SMOC1: variants seen among roughly 807,000 people sequenced by gnomAD.
The protein encoded by SMOC1 is SPARC related modular calcium binding 1, also known as SPARC-related modular calcium-binding protein 1.
SMOC1 carries 22 observed loss-of-function variants against 56.3 expected under a neutral mutation model. The observed-to-expected ratio is 0.39, with a 90% confidence interval of 0.28 to 0.56. The LOEUF is 0.56. Among genes scored for constraint, SMOC1 ranks in the 20% least tolerant of loss-of-function variants. The probability of loss-of-function intolerance (pLI) is 0.61; values close to 1 mark genes in which losing one functional copy is unlikely to be tolerated. For missense variants in SMOC1, 509 were observed against 565.4 expected (o/e 0.90, Z 1.01); for synonymous variants, 193 against 215.0 (o/e 0.90, Z 0.89).
chr14:69,895,244 A>C (rs1014245156), intron 1 of SMOC1, among the ~76,000 whole-genome samples: 2 of 152,236 alleles, frequency 1.3e-5, no homozygotes, highest in Admixed American at 1.3e-4. Flanking sequence ...ATTTCATAGC[A>C]TTCTCATTTC....
chr14:69,919,497 G>T (rs1320185385), intron 1 of SMOC1, among the ~76,000 whole-genome samples: 1 of 152,194 alleles, frequency 6.6e-6, no homozygotes, highest in East Asian at 1.9e-4. Context: ...CCAAGACCTA[G>T]AATGTAGCAG....
intron 5 of SMOC1, among the ~76,000 whole-genome samples, chr14:69,984,992 G>A (rs1052867322): frequency 2.6e-5 from 4 of 151,276 alleles, no homozygotes; most frequent in Admixed American, 6.6e-5. Context: ...CAGCAAGCGA[G>A]ATCATCACTC....
intron 1 of SMOC1, among the ~76,000 whole-genome samples, chr14:69,918,220 C>CTATA (rs551699241): frequency 8.1e-5 from 12 of 147,276 alleles, no homozygotes; most frequent in Admixed American, 6.8e-4. Flanking sequence ...AGAACTTACC[C>CTATA]TATATATATA....
Position 69,923,229 on chromosome 14 carries a change from G to A in SMOC1, c.100-28909G>A, listed in dbSNP as rs951882081. Among the ~76,000 whole-genome samples the A allele has an allele frequency of 5.3e-5, 8 of 152,126 alleles. No individual in the cohort carries two copies. The South Asian group carries it at 1.5e-3, about 28-fold the overall frequency. On this transcript the variant is annotated intron_variant, in intron 1 of 11. Transcript: ENST00000361956. ...CAAAGTGCTGGGATTACAGGCATGA[G>A]CCACTGCACCCGGCTCAGCCCTCTT...
intron 1 of SMOC1, among the ~76,000 whole-genome samples, chr14:69,899,969 T>C (rs527463268): frequency 6.6e-6 from 1 of 152,316 alleles, no homozygotes; most frequent in African/African-American, 2.4e-5. Flanking sequence ...GAATTGTTGA[T>C]TTTCAGTTTG....
At position 69,965,773 on chromosome 14, in the gene SMOC1, A is replaced by G. The variant is rs74859828; in HGVS notation, c.379-9942A>G. On this transcript the variant is annotated intron_variant, in intron 3 of 11. Transcript: ENST00000361956. Reference sequence around the variant, plus strand: ...TTTATGAAACAAGAGCTAATGTCCAATCAGGTGGCTAGGCACACAGTAGGC... The same window carrying G: ...TTTATGAAACAAGAGCTAATGTCCAGTCAGGTGGCTAGGCACACAGTAGGC... Among the ~76,000 whole-genome samples, 271 of 152,318 alleles carry G rather than the reference A, an allele frequency of 1.8e-3. 2 individuals carry two copies. The highest frequency in any genetic ancestry group is 4.2e-3 in the Admixed American group (64 of 15,298).
intron 7 of SMOC1, among the ~76,000 whole-genome samples, chr14:70,001,045 G>C (rs749263338): frequency 1.4e-4 from 22 of 152,292 alleles, no homozygotes; most frequent in Non-Finnish European, 2.6e-4. Flanking sequence ...GGGAGAACCT[G>C]AGAGCACCGA....
intron 4 of SMOC1, among the ~76,000 whole-genome samples, chr14:69,977,698 TTCA>T (rs1183841557): frequency 1.3e-5 from 2 of 152,214 alleles, no homozygotes; most frequent in Non-Finnish European, 2.9e-5. Flanking sequence ...GAAATCATAG[TTCA>T]TCTTAACAGT....
chr14:69,883,740 C>T (rs908851305), intron 1 of SMOC1, among the ~76,000 whole-genome samples: 2 of 152,066 alleles, frequency 1.3e-5, no homozygotes, highest in African/African-American at 4.8e-5. Flanking sequence ...TTTATGTTCC[C>T]ACCAACAGTA....
intron 1 of SMOC1, among the ~76,000 whole-genome samples, chr14:69,943,408 C>T (rs183140957): frequency 1.4e-4 from 21 of 152,262 alleles, no homozygotes; most frequent in East Asian, 1.4e-3. Flanking sequence ...AGGGTGAGAG[C>T]GAGCTGGCAG....
chr14:69,995,040 A>G (rs1282937457), intron 7 of SMOC1, among the ~76,000 whole-genome samples: 1 of 152,246 alleles, frequency 6.6e-6, no homozygotes, highest in Non-Finnish European at 1.5e-5. Flanking sequence ...TTTACTATCA[A>G]TAAAGACTGA....
intron 1 of SMOC1, among the ~76,000 whole-genome samples, chr14:69,926,969 C>T (rs1205124843): frequency 1.3e-5 from 2 of 152,216 alleles, no homozygotes; most frequent in African/African-American, 2.4e-5. Context: ...CAGTGGCTCA[C>T]ATTAACTGAG....
chr14:69,905,441 G>A (rs763622957), intron 1 of SMOC1, among the ~76,000 whole-genome samples: 4 of 152,162 alleles, frequency 2.6e-5, no homozygotes, highest in African/African-American at 4.8e-5. Context: ...GAGGGACAAG[G>A]CACCTACACA....
rs141313975 is a variant in SMOC1, at chr14:69,931,316, T to TC, written c.100-20819dup. ...TTTATCCTTCAAGGGGCAGCCTGAG[T>TC]CCCGCTCCCTCCGGGCAGTCTTCCC... On this transcript the variant is annotated intron_variant, in intron 1 of 11. Coordinates refer to ENST00000361956, the MANE Select transcript of SMOC1 (RefSeq NM_001034852.3). Among the ~76,000 whole-genome samples, 875 of 152,360 alleles carry TC rather than the reference T, an allele frequency of 5.7e-3. 6 individuals are homozygous for TC. The highest frequency in any genetic ancestry group is 0.02 in the African/African-American group (816 of 41,576).
chr14:69,952,711 G>T (rs1883048764), intron 2 of SMOC1, among the ~76,000 whole-genome samples: 1 of 152,120 alleles, frequency 6.6e-6, no homozygotes, highest in Non-Finnish European at 1.5e-5. Flanking sequence ...AAAATTGGGA[G>T]ATTCAAAGAA....
intron 5 of SMOC1, among the ~76,000 whole-genome samples, chr14:69,985,168 A>C (rs1287404142): frequency 6.6e-6 from 1 of 152,212 alleles, no homozygotes; most frequent in East Asian, 1.9e-4. Flanking sequence ...TAGCCACAGG[A>C]AATGCAAAAT....
intron 3 of SMOC1, among the ~76,000 whole-genome samples, chr14:69,965,225 C>CA (rs1883524338): frequency 6.6e-6 from 1 of 151,818 alleles, no homozygotes; most frequent in Non-Finnish European, 1.5e-5. Flanking sequence ...TAAAAACACA[C>CA]AAAAAATTAG....
At chr14:69,968,421 G>T (rs75502095) in intron 3 of SMOC1, among the ~76,000 whole-genome samples, 3,643 of 152,244 alleles carry the variant, frequency 0.024, 69 homozygotes, top group Middle Eastern at 0.099. Context: ...GGAGAGAGAT[G>T]TTCTTGGGGG....
chr14:69,921,025 G>C (rs1232703592), intron 1 of SMOC1, among the ~76,000 whole-genome samples: 1 of 152,222 alleles, frequency 6.6e-6, no homozygotes, highest in African/African-American at 2.4e-5. Context: ...CCTTGTGGGT[G>C]AGGACCCATA....
Sources: allele counts gnomAD v4.1 joint callset (sites outside exome capture counted in the v4.1 genomes callset), GRCh38; gene constraint gnomAD v4.1.1; transcripts MANE v1.5; gene names NCBI Gene and HGNC (gene_info 2026-07-23, HGNC 2026-07-21).